The following PAQR5 variants were observed in gnomAD, a reference collection of about 807,000 sequenced individuals.
PAQR5 encodes the protein membrane progestin receptor gamma.
A neutral mutation model predicts 34.5 loss-of-function variants in PAQR5; 20 were observed. The ratio of observed to expected loss-of-function variants is 0.58; its 90% CI spans 0.41 to 0.84. PAQR5 has a LOEUF of 0.84. PAQR5 is among the 40% of genes least tolerant of loss of function. The pLI, the probability that PAQR5 is intolerant of heterozygous loss-of-function variation, is 0.00. For missense variants in PAQR5, 378 were observed against 412.7 expected (o/e 0.92, Z 0.73); for synonymous variants, 131 against 155.6 (o/e 0.84, Z 1.18).
At chr15:69,395,677 G>GT (rs1180987955) in intron 6 of PAQR5, among the ~76,000 whole-genome samples, 3 of 152,144 alleles carry the variant, frequency 2.0e-5, no homozygotes, top group Admixed American at 2.0e-4. Flanking sequence ...ACGTGGTTGT[G>GT]AAGGGCAGGG....
intron 2 of PAQR5, among the ~76,000 whole-genome samples, chr15:69,346,529 G>C (rs190286317): frequency 6.6e-6 from 1 of 151,102 alleles, no homozygotes; most frequent in Non-Finnish European, 1.5e-5. Flanking sequence ...TAAACTTTTG[G>C]GCTCAAGTGA....
chr15:69,311,038 CAAAAAATA>C (rs1252245153), intron 1 of PAQR5, among the ~76,000 whole-genome samples: 17 of 36,144 alleles, frequency 4.7e-4, no homozygotes, highest in East Asian at 1.6e-3. Context: ...GACTCCGTCG[CAAAAAATA>C]AAAAAAAAAA....
chr15:69,366,819 T>C (rs1002376351), intron 3 of PAQR5, among the ~76,000 whole-genome samples: 27 of 152,250 alleles, frequency 1.8e-4, no homozygotes, highest in African/African-American at 6.5e-4. Flanking sequence ...AAATTACTTC[T>C]TGTAAGTTAA....
At chr15:69,329,331 T>C (rs1328414543) in intron 1 of PAQR5, among the ~76,000 whole-genome samples, 3 of 151,912 alleles carry the variant, frequency 2.0e-5, no homozygotes, top group Non-Finnish European at 4.4e-5. Context: ...AGAGAGTAGA[T>C]TGGTGGTTAT....
At chr15:69,323,377 C>T (rs1289426662) in intron 1 of PAQR5, among the ~76,000 whole-genome samples, 2 of 152,206 alleles carry the variant, frequency 1.3e-5, no homozygotes, top group East Asian at 3.9e-4. Context: ...GCCTTCGGCT[C>T]AGGGAAATGG....
intron 5 of PAQR5, among the ~76,000 whole-genome samples, chr15:69,387,912 C>CT (rs979921155): frequency 2.0e-4 from 31 of 151,738 alleles, no homozygotes; most frequent in African/African-American, 7.5e-4. Flanking sequence ...TGGATATACC[C>CT]CCACCATGAT....
At chr15:69,339,725 G>C (rs921192839) in intron 2 of PAQR5, among the ~76,000 whole-genome samples, 2 of 152,112 alleles carry the variant, frequency 1.3e-5, no homozygotes, top group East Asian at 3.9e-4. Context: ...CACTCACCTG[G>C]GCCTCCCAAA....
At chr15:69,359,023 T>C (rs2055157906) in intron 2 of PAQR5, among the ~76,000 whole-genome samples, 1 of 152,208 alleles carries the variant, frequency 6.6e-6, no homozygotes, top group South Asian at 2.1e-4. Flanking sequence ...CTAATGGTTC[T>C]GGAGGCTGGG....
intron 3 of PAQR5, among the ~76,000 whole-genome samples, chr15:69,374,191 A>T (rs983121864): frequency 2.0e-5 from 3 of 152,210 alleles, no homozygotes; most frequent in African/African-American, 7.2e-5. Context: ...ATGGTTGGTT[A>T]TTAATTCAGC....
chr15:69,300,747 T>TCCTCCCTCC, intron 1 of PAQR5, among the ~76,000 whole-genome samples: 1 of 52,520 alleles, frequency 1.9e-5, no homozygotes, highest in East Asian at 6.7e-4. Flanking sequence ...TTTCTTTCTT[T>TCCTCCCTCC]CATTCTTTCT....
At chr15:69,366,718 ATTATCT>A (rs1225458867) in intron 3 of PAQR5, among the ~76,000 whole-genome samples, 1 of 152,146 alleles carries the variant, frequency 6.6e-6, no homozygotes, top group Non-Finnish European at 1.5e-5. Context: ...CATAAGATCA[ATTATCT>A]TTATATTTTT....
rs143732591 is a variant in PAQR5, at chr15:69,404,688, T to G, written c.*866T>G. ...TTTGGGGATGTCATACATTTGATATTGCTTCAGCATTTCAAATATGTTGCA... is the reference window on the plus strand; with the variant it reads ...TTTGGGGATGTCATACATTTGATATGGCTTCAGCATTTCAAATATGTTGCA... On this transcript the variant is annotated 3_prime_UTR_variant, in exon 9 of 9. Coordinates refer to ENST00000395407, the MANE Select transcript of PAQR5 (RefSeq NM_017705.4). 9.5e-5 allele frequency: 34 copies of G among 359,276 alleles called. No individual in the cohort carries two copies. Among genetic ancestry groups the G allele is most frequent in the African/African-American group, 5.8e-4 (28 of 47,904 alleles). 22.3% of individuals were successfully genotyped at this position (359,276 alleles called of 1,614,324 possible). A position where few individuals can be genotyped will look rare whatever the true frequency, so the allele number is the denominator to read the frequency against.
At chr15:69,355,577 C>A (rs528563115) in intron 2 of PAQR5, among the ~76,000 whole-genome samples, 1 of 151,434 alleles carries the variant, frequency 6.6e-6, no homozygotes, top group African/African-American at 2.4e-5. Context: ...TTCGCCACCA[C>A]GCCCAGCTAA....
At chr15:69,324,089 G>A (rs796659899) in intron 1 of PAQR5, among the ~76,000 whole-genome samples, 25 of 142,710 alleles carry the variant, frequency 1.8e-4, no homozygotes, top group African/African-American at 2.9e-4. Context: ...TGTAATAATC[G>A]TCTAGCAGTA....
At chr15:69,379,822 C>T (rs931458327) in intron 3 of PAQR5, 61 bp from the exon 4 acceptor site, 3 of 1,578,304 alleles carry the variant, frequency 1.9e-6, no homozygotes, top group Non-Finnish European at 2.6e-6. Flanking sequence ...AGATGTTTCT[C>T]CAGAGACCTT....
intron 3 of PAQR5, among the ~76,000 whole-genome samples, chr15:69,364,522 TAA>T (rs200271718): frequency 3.6e-4 from 50 of 139,794 alleles, no homozygotes; most frequent in Middle Eastern, 3.7e-3. Context: ...ATTATATATG[TAA>T]TATATATACA....
intron 1 of PAQR5, among the ~76,000 whole-genome samples, chr15:69,329,759 A>G (rs1016114565): frequency 6.6e-6 from 1 of 152,142 alleles, no homozygotes; most frequent in South Asian, 2.1e-4. Flanking sequence ...TGCTAGGAGT[A>G]TAGGAATGAA....
At chr15:69,393,774 A>T (rs928334348) in intron 6 of PAQR5, among the ~76,000 whole-genome samples, 4 of 152,202 alleles carry the variant, frequency 2.6e-5, no homozygotes, top group Non-Finnish European at 5.9e-5. Context: ...CATTCGTTCC[A>T]TTACAAGGCA....
chr15:69,323,917 C>T lies in PAQR5; in HGVS notation c.-276-13424C>T, dbSNP rs115226321. Reference sequence around the variant, plus strand: ...TTAACAACTTGTCATGACACCGTTACCTGTCAGTTACCACAGATCTGTACC... The same window carrying T: ...TTAACAACTTGTCATGACACCGTTATCTGTCAGTTACCACAGATCTGTACC... On this transcript the variant is annotated intron_variant, in intron 1 of 8. Coordinates refer to ENST00000395407, the MANE Select transcript of PAQR5 (RefSeq NM_017705.4). 3.9e-3 allele frequency among the ~76,000 whole-genome samples: 587 copies of T among 152,192 alleles called. 2 individuals carry two copies. The highest frequency in any genetic ancestry group is 0.014 in the African/African-American group (567 of 41,520).
Sources: gnomAD v4.1 joint callset for allele counts (sites outside exome capture counted in the v4.1 genomes callset) on GRCh38, gnomAD v4.1.1 for gene constraint, MANE v1.5 for transcripts, NCBI Gene and HGNC (gene_info 2026-07-23, HGNC 2026-07-21) for gene names.